ENTREP2: variants seen among roughly 807,000 people sequenced by gnomAD.
ENTREP2 encodes the protein endosomal transmembrane epsin interactor 2, also known as protein ENTREP2.
At chr15:29,402,298 G>T in the ENTREP2 span, among the ~76,000 whole-genome samples, 1 of 102,738 alleles carries the variant, frequency 9.7e-6, no homozygotes. Context: ...TGTATTGTGT[G>T]TGTGTGTGTG....
At chr15:29,413,858 A>C in the ENTREP2 span, among the ~76,000 whole-genome samples, 44 of 152,132 alleles carry the variant, frequency 2.9e-4, no homozygotes, top group Non-Finnish European at 5.4e-4. Flanking sequence ...CCTGGTCTCT[A>C]ATAAAACAGA....
chr15:29,467,077 C>T, the ENTREP2 span, among the ~76,000 whole-genome samples: 1 of 151,136 alleles, frequency 6.6e-6, no homozygotes, highest in East Asian at 2.0e-4. Flanking sequence ...ATGCTGATGG[C>T]CCCAGGGGAG....
the ENTREP2 span, among the ~76,000 whole-genome samples, chr15:29,490,366 C>T: frequency 3.3e-5 from 5 of 152,152 alleles, no homozygotes; most frequent in African/African-American, 7.2e-5. Context: ...CCGCAAAGAG[C>T]GAAAGAACAA....
the ENTREP2 span, among the ~76,000 whole-genome samples, chr15:29,290,770 A>G: frequency 6.6e-6 from 1 of 152,140 alleles, no homozygotes; most frequent in Non-Finnish European, 1.5e-5. Context: ...TCCTTTCTCT[A>G]GGCCGTGAAC....
the ENTREP2 span, among the ~76,000 whole-genome samples, chr15:29,195,841 A>T: frequency 6.6e-6 from 1 of 152,206 alleles, no homozygotes; most frequent in African/African-American, 2.4e-5. Context: ...ACATCTTTTT[A>T]AAAAGTTTTG....
At chr15:29,515,716 G>C in the ENTREP2 span, among the ~76,000 whole-genome samples, 1 of 152,160 alleles carries the variant, frequency 6.6e-6, no homozygotes, top group Admixed American at 6.5e-5. Flanking sequence ...GCTGTTAAAT[G>C]TGTGGTCATT....
chr15:29,651,182 C>T, the ENTREP2 span, among the ~76,000 whole-genome samples: 1 of 152,156 alleles, frequency 6.6e-6, no homozygotes, highest in Non-Finnish European at 1.5e-5. Context: ...AGTTTTACCA[C>T]TCGTAATTGA....
chr15:29,365,731 T>C, the ENTREP2 span, among the ~76,000 whole-genome samples: 1 of 151,706 alleles, frequency 6.6e-6, no homozygotes, highest in Non-Finnish European at 1.5e-5. Flanking sequence ...CCTTTAAAAG[T>C]CTGCAGAAAA....
chr15:29,449,649 A>G, the ENTREP2 span, among the ~76,000 whole-genome samples: 2 of 152,236 alleles, frequency 1.3e-5, no homozygotes, highest in African/African-American at 4.8e-5. Context: ...TTAATATTAA[A>G]GAAGAAAATA....
At chr15:29,574,031 G>A in the ENTREP2 span, among the ~76,000 whole-genome samples, 3 of 152,254 alleles carry the variant, frequency 2.0e-5, no homozygotes, top group Non-Finnish European at 4.4e-5. Context: ...TGAAAGGGAA[G>A]GGAGGAAAAG....
At chr15:29,657,116 T>C in the ENTREP2 span, among the ~76,000 whole-genome samples, 18 of 152,226 alleles carry the variant, frequency 1.2e-4, no homozygotes, top group African/African-American at 4.3e-4. Context: ...GGCGCGGTCT[T>C]GGCTCACTGC....
At chr15:29,647,515 C>A in the ENTREP2 span, among the ~76,000 whole-genome samples, 1 of 152,144 alleles carries the variant, frequency 6.6e-6, no homozygotes. Flanking sequence ...CTGTAATGTA[C>A]AGTACAGGCA....
the ENTREP2 span, among the ~76,000 whole-genome samples, chr15:29,443,200 T>C: frequency 0.62 from 93,675 of 152,076 alleles, 28,967 homozygotes; most frequent in South Asian, 0.66. Context: ...TCAGTGGAAG[T>C]TGCTCACCAG....
the ENTREP2 span, among the ~76,000 whole-genome samples, chr15:29,545,029 G>A: frequency 0.042 from 6,465 of 152,248 alleles, 473 homozygotes; most frequent in African/African-American, 0.15. Context: ...GCACACTACT[G>A]TGTGGACAGA....
chr15:29,124,714 C>G, the ENTREP2 span: 1 of 1,550,728 alleles, frequency 6.4e-7, no homozygotes, highest in Non-Finnish European at 8.7e-7. Flanking sequence ...TCAGACAGTC[C>G]CGCTTCCAGG....
the ENTREP2 span, chr15:29,124,700 A>G: frequency 6.4e-7 from 1 of 1,550,630 alleles, no homozygotes; most frequent in Non-Finnish European, 8.7e-7. Context: ...TCCCAGGCAC[A>G]GCCTCAGACA....
chr15:29,549,180 G>A, the ENTREP2 span, among the ~76,000 whole-genome samples: 1 of 152,074 alleles, frequency 6.6e-6, no homozygotes, highest in East Asian at 1.9e-4. Flanking sequence ...TGCAGCCCTG[G>A]AGTTCTCTGA....
the ENTREP2 span, among the ~76,000 whole-genome samples, chr15:29,553,131 A>T: frequency 6.6e-6 from 1 of 152,206 alleles, no homozygotes; most frequent in Non-Finnish European, 1.5e-5. Flanking sequence ...CCCCGTCTCT[A>T]CTAAAAATAC....
chr15:29,170,195 C>T, the ENTREP2 span, among the ~76,000 whole-genome samples: 64 of 150,962 alleles, frequency 4.2e-4, no homozygotes, highest in African/African-American at 1.5e-3. Flanking sequence ...GTAGTCCCAG[C>T]TACTCAGGAG....
Sources: allele counts gnomAD v4.1 joint callset (sites outside exome capture counted in the v4.1 genomes callset), GRCh38; gene constraint gnomAD v4.1.1; transcripts MANE v1.5; gene names NCBI Gene and HGNC (gene_info 2026-07-23, HGNC 2026-07-21).